The following INSRR variants were observed in gnomAD, a reference collection of about 807,000 sequenced individuals.
INSRR encodes the protein insulin receptor related receptor.
A neutral mutation model predicts 130.0 loss-of-function variants in INSRR; 114 were observed. That is an observed-to-expected ratio of 0.88 (90% confidence interval 0.75 to 1.02). INSRR has a LOEUF of 1.02. INSRR is among the 50% of genes least tolerant of loss of function. INSRR has a pLI of 0.00. For missense variants in INSRR, 1,657 were observed against 1,735.2 expected (o/e 0.95, Z 0.80); for synonymous variants, 674 against 705.2 (o/e 0.96, Z 0.70).
Position 156,841,108 on chromosome 1 carries a change from G to A in INSRR, c.3663-4C>T, listed in dbSNP as rs1156352369. 1 of 1,554,048 alleles carries A rather than the reference G, an allele frequency of 6.4e-7. No individual in the cohort carries two copies. Among genetic ancestry groups the A allele is most frequent in the Non-Finnish European group, 8.7e-7 (1 of 1,147,478 alleles). On this transcript the variant is annotated splice_region_variant and splice_polypyrimidine_tract_variant and intron_variant, in intron 21 of 21. Coordinates refer to ENST00000368195, the MANE Select transcript of INSRR (RefSeq NM_014215.3). The stretch of plus-strand genomic sequence containing the variant: ...GCAGCGGCTCATCAGCTCCTGCCTG[G>A]TGGGTGTGGGGAGCAGGGTCAGAGG...
rs1654946688 is a variant in INSRR, at chr1:156,845,173, G to T, written c.2340C>A (p.Phe780Leu). Residue 780 changes from phenylalanine to leucine, a missense_variant, in exon 12 of 22, where the codon TTC (phenylalanine) becomes TTA (leucine). By Grantham distance (22) the Phe-to-Leu change is conservative. Coordinates refer to ENST00000368195, the MANE Select transcript of INSRR (RefSeq NM_014215.3). ...CATGGATGTCGATCCGGTATTCCGT[G>T]AAGTGGCGCAGGCCGCTCAGCACCG... The part of the protein sequence containing the change: ...ERAVLSGLRH[F>L]TEYRIDIHAC... 6.2e-7 allele frequency: 1 copy of T among 1,611,070 alleles called. No homozygotes were observed. The highest frequency in any genetic ancestry group is 1.3e-5 in the African/African-American group (1 of 74,914).
At chr1:156,851,042 G>A (rs1655186869) in intron 5 of INSRR, 4 of 536,340 alleles carry the variant, frequency 7.5e-6, no homozygotes, top group Non-Finnish European at 1.4e-5. Flanking sequence ...TGTGTTCCAG[G>A]CATTGTTTTA....
Position 156,843,042 on chromosome 1 carries a change from C to A in INSRR, c.3088G>T (p.Glu1030Ter). The A allele has an allele frequency of 1.2e-6, 2 of 1,614,160 alleles. No individual in the cohort carries two copies. The highest frequency in any genetic ancestry group is 2.2e-5 in the South Asian group (2 of 91,080). Residue 1030 changes from glutamate to a stop codon, truncating the protein, a stop_gained, in exon 17 of 22, where the codon GAA becomes TAA. Transcript: ENST00000368195. LOFTEE classifies it high-confidence loss of function. The stretch of plus-strand genomic sequence containing the variant: ...TTGAAGGCTTTCATGACAGAAGCTT[C>A]CTTGAGGAACTCAATGCATTCCCGT... ...SPRECIEFLKEASVMKAFKCH... is the reference protein window; with the variant it reads ...SPRECIEFLK
At chr1:156,850,191 C>T (rs1328430515) in intron 5 of INSRR, among the ~76,000 whole-genome samples, 6 of 152,154 alleles carry the variant, frequency 3.9e-5, no homozygotes, top group Non-Finnish European at 5.9e-5. Context: ...CACGAGCCAC[C>T]GCATCTGGCC....
At chr1:156,855,922 T>C (rs916770720) in intron 1 of INSRR, among the ~76,000 whole-genome samples, 4 of 151,890 alleles carry the variant, frequency 2.6e-5, no homozygotes, top group Non-Finnish European at 5.9e-5. Flanking sequence ...AATGTGCGTG[T>C]GTGTGTGTGT....
intron 15 of INSRR, among the ~76,000 whole-genome samples, chr1:156,843,961 C>G (rs1654892186): frequency 6.6e-6 from 1 of 152,194 alleles, no homozygotes; most frequent in Non-Finnish European, 1.5e-5. Context: ...GGATGTGCAA[C>G]TTTTACTGAT....
chr1:156,856,328 G>A (rs1296589893), intron 1 of INSRR, among the ~76,000 whole-genome samples: 3 of 152,176 alleles, frequency 2.0e-5, no homozygotes, highest in African/African-American at 4.8e-5. Flanking sequence ...CTGTGACTGC[G>A]AAGAAGTGAT....
rs575781374 is a variant in INSRR, at chr1:156,844,848, G to A, written c.2438-5C>T. ...CTGGAATACCATCAGCCTCTCCTGC[G>A]GGAAGGGGCATCCAGCAGCCGGGCC... is the stretch of plus-strand genomic sequence containing the variant. On this transcript the variant is annotated splice_polypyrimidine_tract_variant and splice_region_variant and intron_variant, in intron 12 of 21. Coordinates refer to ENST00000368195, the MANE Select transcript of INSRR (RefSeq NM_014215.3). The A allele has an allele frequency of 9.0e-5, 146 of 1,613,870 alleles. No individual in the cohort carries two copies. The South Asian group carries it at 1.5e-3, about 17-fold the overall frequency.
At chr1:156,852,637 C>T (rs1655265454) in intron 2 of INSRR, among the ~76,000 whole-genome samples, 1 of 152,340 alleles carries the variant, frequency 6.6e-6, no homozygotes, top group South Asian at 2.1e-4. Context: ...CCTGCCCATA[C>T]CGCCCCCACC....
At position 156,846,108 on chromosome 1, in the gene INSRR, G is replaced by A; in HGVS notation, c.1822C>T (p.Pro608Ser). ...LRTLPAAPTV[P>S]QDVISTSNSS... ...TTGGACGTGGAGATGACGTCTTGGG[G>A]CACCGTGGGAGCTAGGAGTGCGAGA... The change falls in exon 9 of 22, where the codon CCC becomes TCC. Residue 608 changes from proline to serine, a missense_variant. By Grantham distance (74) the Pro-to-Ser change is moderately conservative. Transcript: ENST00000368195. 1 of 1,600,752 alleles carries A rather than the reference G, an allele frequency of 6.2e-7. No individual in the cohort carries two copies. Among genetic ancestry groups the A allele is most frequent in the African/African-American group, 1.3e-5 (1 of 74,754 alleles).
intron 7 of INSRR, among the ~76,000 whole-genome samples, chr1:156,847,374 G>T (rs543944254): frequency 6.6e-6 from 1 of 152,368 alleles, no homozygotes; most frequent in South Asian, 2.1e-4. Context: ...CCAGTTTCGG[G>T]GCAGGGCTTG....
rs980795442 is a variant in INSRR at position 156,858,700 on chromosome 1, G to T, written c.-79C>A. The T allele has an allele frequency of 8.4e-7, 1 of 1,197,596 alleles. No individual in the cohort carries two copies. Among genetic ancestry groups the T allele is most frequent in the Non-Finnish European group, 1.2e-6 (1 of 803,140 alleles). 74.2% of individuals were successfully genotyped at this position (1,197,596 alleles called of 1,614,324 possible). ...GAGAACGGTGTGATAAGCCCTAAGGGACACAGAGACCAGGGTTCAGATAGG... is the reference window on the plus strand; with the variant it reads ...GAGAACGGTGTGATAAGCCCTAAGGTACACAGAGACCAGGGTTCAGATAGG... On this transcript the variant is annotated 5_prime_UTR_variant, in exon 1 of 22. Coordinates refer to ENST00000368195, the MANE Select transcript of INSRR (RefSeq NM_014215.3).
chr1:156,840,843 T>C lies in INSRR; in HGVS notation c.*30A>G. The C allele has an allele frequency of 6.4e-7, 1 of 1,557,114 alleles. No homozygotes were observed. The highest frequency in any genetic ancestry group is 8.8e-7 in the Non-Finnish European group (1 of 1,132,714). ...GGTCGGGTCCCTTCCTGTCTCCCCATGGGAGGCCAGCCAGGGAATGAGGTG... is the reference window on the plus strand; with the variant it reads ...GGTCGGGTCCCTTCCTGTCTCCCCACGGGAGGCCAGCCAGGGAATGAGGTG... On this transcript the variant is annotated 3_prime_UTR_variant, in exon 22 of 22. Transcript: ENST00000368195.
chr1:156,844,061 A>G (rs908201989), intron 15 of INSRR, 114 bp downstream of exon 15: 2 of 736,542 alleles, frequency 2.7e-6, no homozygotes, highest in Admixed American at 4.7e-5. Flanking sequence ...GGGAAGAGTT[A>G]CTGCCTGTAT....
In INSRR at chr1:156,845,984, C is replaced by A. The variant is rs1213539026; in HGVS notation, c.1946G>T (p.Gly649Val). 1.2e-6 allele frequency: 2 copies of A among 1,613,418 alleles called. No homozygotes were observed. Among genetic ancestry groups the A allele is most frequent in the Non-Finnish European group, 1.7e-6 (2 of 1,179,734 alleles). ...LVLWQRLAED[G>V]DLYLNDYCHR... ...GCAGTAGTCATTGAGGTAGAGGTCG[C>A]CGTCCTCTGCCAGCCGCTGCCACAG... Residue 649 changes from glycine to valine, a missense_variant, in exon 9 of 22, where the codon GGC (glycine) becomes GTC (valine). By Grantham distance (109) the Gly-to-Val change is moderately radical. Transcript: ENST00000368195.
chr1:156,855,642 G>T (rs1655383354), intron 1 of INSRR, among the ~76,000 whole-genome samples: 1 of 152,070 alleles, frequency 6.6e-6, no homozygotes, highest in African/African-American at 2.4e-5. Flanking sequence ...GGGCAACATG[G>T]CAAAACCCCA....
At position 156,852,151 on chromosome 1, in the gene INSRR, G is replaced by T. The variant is rs376798720; in HGVS notation, c.678C>A (p.Gly226=). 5 of 1,609,798 alleles carry T rather than the reference G, an allele frequency of 3.1e-6. No individual in the cohort carries two copies. In the African/African-American group the frequency reaches 4.0e-5, roughly 13 times the overall value. ...CCAGGCATTCGGTGTGGCAGCACTC[G>T]CCCCTCGCTGTGCAAGCCATCCCAT... The part of the protein sequence containing the change: ...CPHGMACTAR[G]ECCHTECLGG... Residue 226 remains glycine, a synonymous_variant, in exon 3 of 22, where the codon GGC becomes GGA. Coordinates refer to ENST00000368195, the MANE Select transcript of INSRR (RefSeq NM_014215.3).
intron 7 of INSRR, among the ~76,000 whole-genome samples, chr1:156,847,674 G>A (rs550303453): frequency 1.1e-3 from 174 of 152,142 alleles, no homozygotes; most frequent in African/African-American, 4.0e-3. Context: ...AGGTTGGGGG[G>A]GTGGGGGCTC....
rs1293501518 is a variant in INSRR, at chr1:156,845,794, T to G, written c.1999A>C (p.Asn667His). ...CHRGLRLPTS[N>H]NDPRFDGEDG... ...TCGCCGTCGAAGCGCGGATCGTTGT[T>G]GCTGGTGGGCAGCCGCAAGCCTGGC... is the stretch of plus-strand genomic sequence containing the variant. Residue 667 changes from asparagine to histidine, a missense_variant, in exon 10 of 22, where the codon AAC (asparagine) becomes CAC (histidine). Physicochemically the swap from Asn to His is moderately conservative, Grantham distance 68. Transcript: ENST00000368195. 3 of 1,612,602 alleles carry G rather than the reference T, an allele frequency of 1.9e-6. No homozygotes were observed. Among genetic ancestry groups the G allele is most frequent in the Non-Finnish European group, 2.5e-6 (3 of 1,179,834 alleles).
Sources: gnomAD v4.1 joint callset for allele counts (sites outside exome capture counted in the v4.1 genomes callset) on GRCh38, gnomAD v4.1.1 for gene constraint, MANE v1.5 for transcripts, NCBI Gene and HGNC (gene_info 2026-07-23, HGNC 2026-07-21) for gene names.